The following C6orf62 variants were observed in gnomAD, a reference collection of about 807,000 sequenced individuals.
C6orf62 encodes the protein uncharacterized protein C6orf62.
In C6orf62, 16 loss-of-function variants were observed where a neutral mutation model predicts 26.8. The ratio of observed to expected loss-of-function variants is 0.60; its 90% CI spans 0.40 to 0.91. The LOEUF is 0.91. C6orf62 is among the 40% of genes least tolerant of loss of function. C6orf62 has a pLI of 0.00. For missense variants in C6orf62, 192 were observed against 271.4 expected (o/e 0.71, Z 2.06); for synonymous variants, 112 against 91.5 (o/e 1.22, Z -1.28).
At chr6:24,708,647 CT>C in intron 4 of C6orf62, 129 bp downstream of exon 4, 1 of 1,307,474 alleles carries the variant, frequency 7.6e-7, no homozygotes. Context: ...CTATTTTTTG[CT>C]TTTTAAATAA....
At position 24,719,133 on chromosome 6, in the gene C6orf62, G is replaced by C. The variant is rs941015036; in HGVS notation, c.-465C>G. On this transcript the variant is annotated 5_prime_UTR_variant, in exon 1 of 5. Transcript: ENST00000378119. The stretch of plus-strand genomic sequence containing the variant: ...GAAAAGGGATTAAGGAACAGGGAGG[G>C]GGAAGTGTGATCCTTGCTTTCCAAA... The C allele has an allele frequency of 2.0e-6, 2 of 982,452 alleles. No homozygotes were observed. Among genetic ancestry groups the C allele is most frequent in the Middle Eastern group, 5.2e-4 (1 of 1,940 alleles). 60.9% of individuals were successfully genotyped at this position (982,452 alleles called of 1,614,324 possible). A position where few individuals can be genotyped will look rare whatever the true frequency, so the allele number is the denominator to read the frequency against.
At position 24,718,747 on chromosome 6, in the gene C6orf62, C is replaced by A; in HGVS notation, c.-79G>T. 1 of 1,581,848 alleles carries A rather than the reference C, an allele frequency of 6.3e-7. No individual in the cohort carries two copies. Among genetic ancestry groups the A allele is most frequent in the Admixed American group, 2.0e-5 (1 of 48,958 alleles). On this transcript the variant is annotated 5_prime_UTR_variant, in exon 1 of 5. Coordinates refer to ENST00000378119, the MANE Select transcript of C6orf62 (RefSeq NM_030939.5). ...ACTTTTTCTTAAGACTCAAGTACAA[C>A]AGAAACAAGTCATTTTTTTTCCTGC...
rs765703911 is a variant in C6orf62 at position 24,718,626 on chromosome 6, G to A, written c.43C>T (p.Leu15=). 1 of 1,613,966 alleles carries A rather than the reference G, an allele frequency of 6.2e-7. No homozygotes were observed. Among genetic ancestry groups the A allele is most frequent in the Non-Finnish European group, 8.5e-7 (1 of 1,180,032 alleles). The change falls in exon 1 of 5, where the codon CTA becomes TTA. Residue 15 remains leucine (L), a synonymous_variant. Coordinates refer to ENST00000378119, the MANE Select transcript of C6orf62 (RefSeq NM_030939.5). The part of the protein sequence containing the change: ...NSRKKQALNR[L]RAQLRKKKES... ...TTTTTCTTTCTAAGCTGAGCACGTAGTCTGTTCAGAGCTTGTTTCTTCCGG... is the reference window on the plus strand; with the variant it reads ...TTTTTCTTTCTAAGCTGAGCACGTAATCTGTTCAGAGCTTGTTTCTTCCGG...
intron 3 of C6orf62, chr6:24,709,230 A>G: frequency 1.0e-6 from 1 of 985,188 alleles, no homozygotes; most frequent in Non-Finnish European, 1.2e-6. Context: ...ATTGGACAGT[A>G]CACTCCACAA....
intron 4 of C6orf62, among the ~76,000 whole-genome samples, chr6:24,708,049 G>C (rs111874409): frequency 5.3e-5 from 8 of 151,150 alleles, no homozygotes; most frequent in South Asian, 2.1e-4. Flanking sequence ...TGGAAACAAA[G>C]TGTGTTTCAA....
At chr6:24,715,993 C>A (rs9467267) in intron 2 of C6orf62, among the ~76,000 whole-genome samples, 155 bp downstream of exon 2, 6,650 of 148,700 alleles carry the variant, frequency 0.045, 405 homozygotes, top group African/African-American at 0.14. Context: ...GCTTTAAAGT[C>A]ATGATCCCAG....
chr6:24,716,325 CTAG>C lies in C6orf62; in HGVS notation c.130-4_130-2del. On this transcript the variant is annotated splice_acceptor_variant and splice_polypyrimidine_tract_variant and intron_variant, in intron 1 of 4. Transcript: ENST00000378119. LOFTEE classifies it high-confidence loss of function. ...CTTCAAAAAGTGCTGACTTTTTCTTCTAGAAGAAAAGAAAATGGTGTATTAACC... is the reference window on the plus strand; with the variant it reads ...CTTCAAAAAGTGCTGACTTTTTCTTCAAGAAAAGAAAATGGTGTATTAACC... 1.2e-6 allele frequency: 2 copies of C among 1,611,924 alleles called. No individual in the cohort carries two copies. The highest frequency in any genetic ancestry group is 1.7e-6 in the Non-Finnish European group (2 of 1,178,364).
intron 4 of C6orf62, among the ~76,000 whole-genome samples, chr6:24,708,256 A>T (rs1409895672): frequency 6.8e-5 from 1 of 14,666 alleles, no homozygotes; most frequent in Non-Finnish European, 1.8e-4. Context: ...TTTCCCGTTT[A>T]AAAAAAAAAA....
chr6:24,719,640 AC>A, upstream of C6orf62: 3 of 1,436,906 alleles, frequency 2.1e-6, no homozygotes, highest in Middle Eastern at 2.6e-4. Context: ...GGTTCCCAAC[AC>A]CCCCAGCCTG....
chr6:24,707,395 A>G (rs142056407), intron 4 of C6orf62, among the ~76,000 whole-genome samples: 2 of 149,914 alleles, frequency 1.3e-5, no homozygotes, highest in African/African-American at 4.9e-5. Context: ...GTCTCGCTGC[A>G]TTACTCAGGC....
chr6:24,719,724 T>C (rs1005488380), upstream of C6orf62: 55 of 1,515,184 alleles, frequency 3.6e-5, no homozygotes, highest in South Asian at 2.8e-4. Context: ...GGGAGTGCGA[T>C]TTATCTTCTT....
In C6orf62 at chr6:24,718,749, G is replaced by A; in HGVS notation, c.-81C>T. 27 of 1,580,834 alleles carry A rather than the reference G, an allele frequency of 1.7e-5. 1 individual carries two copies. In the South Asian group the frequency reaches 3.1e-4, roughly 18 times the overall value. On this transcript the variant is annotated 5_prime_UTR_variant, in exon 1 of 5. Coordinates refer to ENST00000378119, the MANE Select transcript of C6orf62 (RefSeq NM_030939.5). Reference sequence around the variant, plus strand: ...TTTTTCTTAAGACTCAAGTACAACAGAAACAAGTCATTTTTTTTCCTGCTA... The same window carrying A: ...TTTTTCTTAAGACTCAAGTACAACAAAAACAAGTCATTTTTTTTCCTGCTA...
At chr6:24,707,751 C>A (rs2127632220) in intron 4 of C6orf62, among the ~76,000 whole-genome samples, 1 of 152,056 alleles carries the variant, frequency 6.6e-6, no homozygotes, top group East Asian at 1.9e-4. Context: ...CGCCTGTAAT[C>A]CCAGCACTTT....
At chr6:24,708,750 T>G in intron 4 of C6orf62, 27 bp downstream of exon 4, 1 of 1,614,020 alleles carries the variant, frequency 6.2e-7, no homozygotes, top group Non-Finnish European at 8.5e-7. Context: ...AATGAGCCTG[T>G]AAGTGGTTTT....
intron 1 of C6orf62, among the ~76,000 whole-genome samples, chr6:24,717,713 T>C (rs1165806567): frequency 2.0e-5 from 3 of 152,240 alleles, no homozygotes; most frequent in Non-Finnish European, 4.4e-5. Context: ...AGATTGTATT[T>C]CTGATCTGAA....
Position 24,718,856 on chromosome 6 carries a change from G to A in C6orf62, c.-188C>T, listed in dbSNP as rs991130580. Reference sequence around the variant, plus strand: ...TATTAGCAGACTGTCATATTACAGGGTCAAGAAACAAAAGCTGCTGTCCAG... The same window carrying A: ...TATTAGCAGACTGTCATATTACAGGATCAAGAAACAAAAGCTGCTGTCCAG... On this transcript the variant is annotated 5_prime_UTR_variant, in exon 1 of 5. Coordinates refer to ENST00000378119, the MANE Select transcript of C6orf62 (RefSeq NM_030939.5). 53 of 1,425,558 alleles carry A rather than the reference G, an allele frequency of 3.7e-5. 1 individual carries two copies. The South Asian group carries it at 7.2e-4, about 19-fold the overall frequency. The allele number at this position is 1,425,558 out of a possible 1,614,324, so 88.3% of individuals were successfully genotyped here.
intron 4 of C6orf62, among the ~76,000 whole-genome samples, chr6:24,707,542 A>G (rs1370983492): frequency 1.3e-5 from 2 of 151,914 alleles, no homozygotes; most frequent in Non-Finnish European, 2.9e-5. Context: ...GATTTTTTGT[A>G]GAGATGTCGT....
At chr6:24,708,050 T>A (rs1210216280) in intron 4 of C6orf62, among the ~76,000 whole-genome samples, 2 of 150,736 alleles carry the variant, frequency 1.3e-5, no homozygotes, top group Non-Finnish European at 2.9e-5. Flanking sequence ...GGAAACAAAG[T>A]GTGTTTCAAA....
chr6:24,716,050 T>C (rs1779222755), intron 2 of C6orf62, 98 bp downstream of exon 2: 9 of 869,282 alleles, frequency 1.0e-5, no homozygotes, highest in Non-Finnish European at 1.7e-5. Context: ...GACTGGTCAC[T>C]ATCATAACTA....
Sources: gnomAD v4.1 joint callset for allele counts (sites outside exome capture counted in the v4.1 genomes callset) on GRCh38, gnomAD v4.1.1 for gene constraint, MANE v1.5 for transcripts, NCBI Gene and HGNC (gene_info 2026-07-23, HGNC 2026-07-21) for gene names.